RCBTB1: variants seen among roughly 807,000 people sequenced by gnomAD.
RCBTB1 encodes RCC1 and BTB domain containing protein 1.
A neutral mutation model predicts 62.4 loss-of-function variants in RCBTB1; 46 were observed. The observed-to-expected ratio is 0.74, with a 90% confidence interval of 0.58 to 0.94. RCBTB1 has a LOEUF of 0.94. RCBTB1 is among the 40% of genes least tolerant of loss of function. The probability of loss-of-function intolerance (pLI) is 0.00; values close to 1 mark genes in which losing one functional copy is unlikely to be tolerated. For missense variants in RCBTB1, 565 were observed against 654.9 expected, an observed-to-expected ratio of 0.86 and a Z score of 1.50; for synonymous variants, 222 against 245.8, an observed-to-expected ratio of 0.90 and a Z score of 0.91.
At chr13:49,558,418 C>T (rs1962123497) in intron 5 of RCBTB1, among the ~76,000 whole-genome samples, 2 of 152,050 alleles carry the variant, frequency 1.3e-5, no homozygotes, top group South Asian at 4.1e-4. Flanking sequence ...GTAGGCTTGT[C>T]ATGGTGGCTA....
At chr13:49,549,927 G>C (rs1333743744) in intron 8 of RCBTB1, 26 of 984,938 alleles carry the variant, frequency 2.6e-5, no homozygotes, top group Non-Finnish European at 2.9e-5. Context: ...GCAAATCCAA[G>C]CAAATGAGGA....
intron 1 of RCBTB1, among the ~76,000 whole-genome samples, chr13:49,581,451 G>T (rs1480702282): frequency 6.6e-6 from 1 of 152,204 alleles, no homozygotes; most frequent in African/African-American, 2.4e-5. Flanking sequence ...GGCCTCAGGG[G>T]TGATGAGTCC....
chr13:49,549,208 GT>G (rs1454927732), intron 9 of RCBTB1, among the ~76,000 whole-genome samples: 2 of 150,750 alleles, frequency 1.3e-5, no homozygotes, highest in Non-Finnish European at 2.9e-5. Context: ...CTTTACAATG[GT>G]TAATTGCATG....
chr13:49,549,038 A>G (rs1184975518), intron 9 of RCBTB1, among the ~76,000 whole-genome samples: 1 of 114,116 alleles, frequency 8.8e-6, no homozygotes, highest in Admixed American at 7.9e-5. Flanking sequence ...AGGCTGAGGC[A>G]GGAAAATCTC....
At chr13:49,575,371 C>A (rs1282664853) in intron 2 of RCBTB1, among the ~76,000 whole-genome samples, 1 of 151,522 alleles carries the variant, frequency 6.6e-6, no homozygotes, top group East Asian at 1.9e-4. Flanking sequence ...TAAAACAGAA[C>A]TACCATTCAA....
intron 2 of RCBTB1, 147 bp from the exon 3 acceptor site, chr13:49,567,467 G>T: frequency 3.3e-6 from 2 of 602,256 alleles, no homozygotes; most frequent in Non-Finnish European, 5.7e-6. Flanking sequence ...CTTTCCCCCA[G>T]CCATGTGTGC....
At position 49,549,785 on chromosome 13, in the gene RCBTB1, C is replaced by T. The variant is rs1961168263; in HGVS notation, c.855-137G>A. On this transcript the variant is annotated intron_variant, in intron 8 of 12. Transcript: ENST00000378302. ...GTTCCAGGGACACTAGCTGCCAAGT[C>T]ACAGCAACAAAAGCAACAGATCAGG... 5 of 1,431,998 alleles carry T rather than the reference C, an allele frequency of 3.5e-6. No homozygotes were observed. The African/African-American group carries it at 4.3e-5, about 12-fold the overall frequency. The allele number at this position is 1,431,998 out of a possible 1,614,324, so 88.7% of individuals were successfully genotyped here.
intron 12 of RCBTB1, among the ~76,000 whole-genome samples, chr13:49,540,123 C>A (rs183370706): frequency 2.0e-5 from 3 of 152,318 alleles, no homozygotes; most frequent in African/African-American, 7.2e-5. Flanking sequence ...ACCATACCCG[C>A]CTTCAGCTCA....
At chr13:49,547,286 T>C in intron 9 of RCBTB1, 3 of 766,294 alleles carry the variant, frequency 3.9e-6, no homozygotes, top group East Asian at 6.4e-5. Flanking sequence ...TAAGCACCCT[T>C]GCCTCCATGC....
chr13:49,566,271 A>AAAATAAAT (rs373186397), intron 4 of RCBTB1, among the ~76,000 whole-genome samples: 16 of 94,888 alleles, frequency 1.7e-4, no homozygotes, highest in South Asian at 9.2e-4. Flanking sequence ...AAAATAAAAT[A>AAAATAAAT]AAATAAATAA....
intron 4 of RCBTB1, among the ~76,000 whole-genome samples, chr13:49,563,324 C>A (rs550516171): frequency 8.9e-6 from 1 of 112,144 alleles, no homozygotes; most frequent in Admixed American, 1.2e-4. Context: ...TGTACTCCTG[C>A]CTGGGTGACA....
chr13:49,572,660 C>T lies in RCBTB1; in HGVS notation c.-41-5340G>A, dbSNP rs117100320. Among the ~76,000 whole-genome samples the T allele has an allele frequency of 2.2e-3, 341 of 152,130 alleles. 10 individuals carry two copies. The East Asian group carries it at 0.042, about 19-fold the overall frequency. On this transcript the variant is annotated intron_variant, in intron 2 of 12. Transcript: ENST00000378302. ...TCCACTAAAAATACAAAAATTACCC[C>T]GGGTGTGGTGGCGCACGCTGGTAAT...
At chr13:49,544,516 T>C (rs891160091) in intron 10 of RCBTB1, among the ~76,000 whole-genome samples, 38 of 152,092 alleles carry the variant, frequency 2.5e-4, no homozygotes, top group Non-Finnish European at 4.4e-4. Context: ...AAAACCAATA[T>C]GGACAAATAC....
intron 8 of RCBTB1, among the ~76,000 whole-genome samples, chr13:49,550,835 C>G (rs1961265009): frequency 6.6e-6 from 1 of 152,172 alleles, no homozygotes; most frequent in East Asian, 1.9e-4. Context: ...CACGGTGGGG[C>G]TCATGCCTAT....
chr13:49,541,377 G>A (rs952378237), intron 11 of RCBTB1, among the ~76,000 whole-genome samples: 2 of 151,350 alleles, frequency 1.3e-5, no homozygotes, highest in Non-Finnish European at 1.5e-5. Context: ...CATGGCACAC[G>A]TTTACCTATG....
intron 11 of RCBTB1, among the ~76,000 whole-genome samples, chr13:49,541,473 A>C (rs974306282): frequency 6.6e-6 from 1 of 152,218 alleles, no homozygotes; most frequent in Non-Finnish European, 1.5e-5. Context: ...ATTAGAACAA[A>C]AAAGCCTATG....
Position 49,560,002 on chromosome 13 carries a change from C to T in RCBTB1, c.360G>A (p.Gln120=). ...GCTTGATCAAGAGATTGGTACAGAC[C>T]TGGACGGGAGCAATGCCTTGGTTGG... ...GTTNQGIAPV[Q]VCTNLLIKQV... Residue 120 remains glutamine (Q), a synonymous_variant, in exon 5 of 13, where the codon CAG becomes CAA. Coordinates refer to ENST00000378302, the MANE Select transcript of RCBTB1 (RefSeq NM_018191.4). 1 of 1,614,204 alleles carries T rather than the reference C, an allele frequency of 6.2e-7. No individual in the cohort carries two copies. Among genetic ancestry groups the T allele is most frequent in the Non-Finnish European group, 8.5e-7 (1 of 1,180,042 alleles).
rs1257364926 is a variant in RCBTB1 at position 49,552,237 on chromosome 13, T to A, written c.652A>T (p.Asn218Tyr). 1.9e-6 allele frequency: 3 copies of A among 1,603,126 alleles called. No individual in the cohort carries two copies. The Admixed American group carries it at 5.1e-5, about 27-fold the overall frequency. Residue 218 changes from asparagine to tyrosine, a missense_variant, in exon 7 of 13, where the codon AAT becomes TAT. By Grantham distance (143) the Asn-to-Tyr change is moderately radical (BLOSUM62 -2). Coordinates refer to ENST00000378302, the MANE Select transcript of RCBTB1 (RefSeq NM_018191.4). Reference protein sequence around the residue: ...NGNGQLGLGNNGNQLTPVRVA... With the variant: ...NGNGQLGLGNYGNQLTPVRVA... ...CTCACAGGGGTCAGCTGGTTGCCAT[T>A]GTTTCCCAGGCCCAGCTGACCGTTG...
rs61961361 is a variant in RCBTB1, at chr13:49,551,151, A to G, written c.854+175T>C. On this transcript the variant is annotated intron_variant, in intron 8 of 12. Transcript: ENST00000378302. The stretch of plus-strand genomic sequence containing the variant: ...GGGGGAGGGAGAAGGGGGAAGGGGG[A>G]AGCAGGGAGGGAGAAGGAGGAAGGG... 26,155 of 549,280 alleles carry G rather than the reference A, an allele frequency of 0.048. 822 individuals are homozygous for G. Among genetic ancestry groups the G allele is most frequent in the Non-Finnish European group, 0.059 (19,510 of 332,836 alleles). The allele number at this position is 549,280 out of a possible 1,614,324, so 34.0% of individuals were successfully genotyped here.
Sources: allele counts gnomAD v4.1 joint callset (sites outside exome capture counted in the v4.1 genomes callset), GRCh38; gene constraint gnomAD v4.1.1; transcripts MANE v1.5; gene names NCBI Gene and HGNC (gene_info 2026-07-23, HGNC 2026-07-21).